The following ESF1 variants were observed in gnomAD, a reference collection of about 807,000 sequenced individuals.
The protein encoded by ESF1 is ESF1 homolog.
Under a neutral mutation model 92.0 loss-of-function variants are expected in ESF1, and 58 were observed. The observed-to-expected ratio is 0.63, with a 90% CI of 0.51 to 0.78. The LOEUF (loss-of-function observed/expected upper bound fraction) is 0.78, where lower values mean the gene tolerates loss of function less well. Among genes scored for constraint, ESF1 ranks in the 30% least tolerant of loss-of-function variants. ESF1 has a pLI of 0.00. For missense variants in ESF1, 922 were observed against 989.1 expected (o/e 0.93, Z 0.91); for synonymous variants, 321 against 313.7 (o/e 1.02, Z -0.24).
intron 4 of ESF1, among the ~76,000 whole-genome samples, chr20:13,774,210 G>A (rs1178292861): frequency 6.6e-6 from 1 of 151,994 alleles, no homozygotes; most frequent in African/African-American, 2.4e-5. Flanking sequence ...AATTACCCTA[G>A]AACAGTAGAC....
Position 13,769,769 on chromosome 20 carries a change from G to C in ESF1, c.1518+138C>G, listed in dbSNP as rs1273793977. 15 of 660,380 alleles carry C rather than the reference G, an allele frequency of 2.3e-5. No homozygotes were observed. The South Asian group carries it at 2.3e-4, about 10-fold the overall frequency. The allele number at this position is 660,380 out of a possible 1,614,324, so 40.9% of individuals were successfully genotyped here. A position where few individuals can be genotyped will look rare whatever the true frequency, so the allele number is the denominator to read the frequency against. On this transcript the variant is annotated intron_variant, in intron 7 of 13. Transcript: ENST00000617257. ...CCACTGCACTCCAGCCTGGGTGAGA[G>C]AGCGAGACTCTGTCTCAAGAAAAAA...
chr20:13,782,963 T>C lies in ESF1; in HGVS notation c.178A>G (p.Ile60Val), dbSNP rs763735520. The C allele has an allele frequency of 1.2e-6, 2 of 1,614,200 alleles. No individual in the cohort carries two copies. The highest frequency in any genetic ancestry group is 1.1e-5 in the South Asian group (1 of 91,082). ...AAATCCTCTGTAGTGCTATGGCTAATGGGGCGCCCTCTTTTATCCACGGCA... is the reference window on the plus strand; with the variant it reads ...AAATCCTCTGTAGTGCTATGGCTAACGGGGCGCCCTCTTTTATCCACGGCA... ...NYAVDKRGRP[I>V]SHSTTEDLKR... Residue 60 changes from isoleucine to valine, a missense_variant, in exon 2 of 14, where the codon ATT (isoleucine) becomes GTT (valine). Coordinates refer to ENST00000617257, the MANE Select transcript of ESF1 (RefSeq NM_001276380.2).
At chr20:13,741,963 T>C (rs1306415734) in intron 9 of ESF1, among the ~76,000 whole-genome samples, 1 of 152,124 alleles carries the variant, frequency 6.6e-6, no homozygotes, top group Non-Finnish European at 1.5e-5. Context: ...AAAACATCTA[T>C]TAGTATTTCA....
rs1212202998 is a variant in ESF1, at chr20:13,733,671, G to A, written c.1950+50C>T. Reference sequence around the variant, plus strand: ...GGATTCCAAGCACCTGGTACCATCTGATATATGGTTGGTATTCAACAAACA... The same window carrying A: ...GGATTCCAAGCACCTGGTACCATCTAATATATGGTTGGTATTCAACAAACA... On this transcript the variant is annotated intron_variant, in intron 10 of 13. Transcript: ENST00000617257. 3.2e-6 allele frequency: 5 copies of A among 1,549,882 alleles called. No homozygotes were observed. The African/African-American group carries it at 6.8e-5, about 21-fold the overall frequency.
intron 9 of ESF1, among the ~76,000 whole-genome samples, chr20:13,740,052 T>C (rs2050001367): frequency 6.6e-6 from 1 of 152,184 alleles, no homozygotes; most frequent in African/African-American, 2.4e-5. Flanking sequence ...CATAGATTTA[T>C]AACCACAAAC....
chr20:13,765,692 T>C (rs2147768097), intron 8 of ESF1, among the ~76,000 whole-genome samples: 1 of 152,320 alleles, frequency 6.6e-6, no homozygotes, highest in South Asian at 2.1e-4. Flanking sequence ...TCATGCAGAC[T>C]TTAATCATCT....
intron 4 of ESF1, among the ~76,000 whole-genome samples, 184 bp from the exon 5 acceptor site, chr20:13,772,799 C>T (rs1979751078): frequency 6.6e-6 from 1 of 152,090 alleles, no homozygotes. Context: ...AAATAGATCA[C>T]TTTGGCTAGA....
intron 8 of ESF1, among the ~76,000 whole-genome samples, chr20:13,761,465 A>C (rs1979199683): frequency 6.6e-6 from 1 of 151,858 alleles, no homozygotes; most frequent in African/African-American, 2.4e-5. Context: ...GTCCTCCACT[A>C]TCCAGCACAG....
chr20:13,746,679 G>A (rs1303561914), intron 9 of ESF1, among the ~76,000 whole-genome samples: 1 of 152,132 alleles, frequency 6.6e-6, no homozygotes, highest in Non-Finnish European at 1.5e-5. Flanking sequence ...GAATATAGAA[G>A]GATATACTGA....
rs1980485947 is a variant in ESF1 at position 13,784,264 on chromosome 20, A to C, written c.-44+616T>G. 2.0e-5 allele frequency among the ~76,000 whole-genome samples: 3 copies of C among 147,238 alleles called. No homozygotes were observed. The South Asian group carries it at 6.7e-4, about 33-fold the overall frequency. ...GGATGGGAATTTTGCAAAGAGCCAA[A>C]AGTCGTTGATTATTAAGCAACCCCC... On this transcript the variant is annotated intron_variant, in intron 1 of 13. Coordinates refer to ENST00000617257, the MANE Select transcript of ESF1 (RefSeq NM_001276380.2).
Position 13,717,408 on chromosome 20 carries a change from T to C in ESF1, c.2222A>G (p.Gln741Arg). 6.2e-7 allele frequency: 1 copy of C among 1,614,150 alleles called. No homozygotes were observed. Among genetic ancestry groups the C allele is most frequent in the Non-Finnish European group, 8.5e-7 (1 of 1,180,032 alleles). The change falls in exon 13 of 14, where the codon CAG (glutamine) becomes CGG (arginine). Residue 741 changes from glutamine (Q) to arginine (R), a missense_variant. Transcript: ENST00000617257. The part of the protein sequence containing the change: ...HQNLSKKKKK[Q>R]LMKKKELIED... ...TATTAATTCCTTCTTTTTCATGAGCTGCTTTTTCTTCTTTTTGCTCAGATT... is the reference window on the plus strand; with the variant it reads ...TATTAATTCCTTCTTTTTCATGAGCCGCTTTTTCTTCTTTTTGCTCAGATT...
At chr20:13,724,714 T>A (rs886495713) in intron 11 of ESF1, among the ~76,000 whole-genome samples, 1 of 152,342 alleles carries the variant, frequency 6.6e-6, no homozygotes, top group Admixed American at 6.5e-5. Flanking sequence ...CAGATTAAAA[T>A]GTAAAGTATG....
intron 2 of ESF1, among the ~76,000 whole-genome samples, chr20:13,776,522 G>A (rs746948952): frequency 1.3e-5 from 2 of 152,072 alleles, no homozygotes; most frequent in South Asian, 2.1e-4. Flanking sequence ...CTCACATCAC[G>A]CAAGTAGATC....
chr20:13,728,544 T>C lies in ESF1; in HGVS notation c.1951-79A>G, dbSNP rs982047274. 2.6e-6 allele frequency: 3 copies of C among 1,154,712 alleles called. No homozygotes were observed. The African/African-American group carries it at 4.7e-5, about 18-fold the overall frequency. The allele number at this position is 1,154,712 out of a possible 1,614,324, so 71.5% of individuals were successfully genotyped here. A position where few individuals can be genotyped will look rare whatever the true frequency, so the allele number is the denominator to read the frequency against. ...AATGTATACCAAGAAAAACTATGCATTTCTTTTAAACCAAGTAGTTCAATC... is the reference window on the plus strand; with the variant it reads ...AATGTATACCAAGAAAAACTATGCACTTCTTTTAAACCAAGTAGTTCAATC... On this transcript the variant is annotated intron_variant, in intron 10 of 13. Transcript: ENST00000617257.
chr20:13,746,168 T>G (rs1292188255), intron 9 of ESF1, among the ~76,000 whole-genome samples: 2 of 152,166 alleles, frequency 1.3e-5, no homozygotes, highest in Non-Finnish European at 2.9e-5. Context: ...TTTCACCATA[T>G]TGGCCAGGCT....
chr20:13,717,466 G>A lies in ESF1; in HGVS notation c.2164C>T (p.His722Tyr). 6.2e-7 allele frequency: 1 copy of A among 1,613,958 alleles called. No individual in the cohort carries two copies. Among genetic ancestry groups the A allele is most frequent in the Non-Finnish European group, 8.5e-7 (1 of 1,180,002 alleles). The change falls in exon 13 of 14, where the codon CAC (histidine) becomes TAC (tyrosine). Residue 722 changes from histidine (H) to tyrosine (Y), a missense_variant. His to Tyr is a moderately conservative substitution (Grantham distance 83, BLOSUM62 2). Coordinates refer to ENST00000617257, the MANE Select transcript of ESF1 (RefSeq NM_001276380.2). The stretch of plus-strand genomic sequence containing the variant: ...TCCACAATCTTGTTGTAATTGAAGT[G>A]TTTCTTACTGTCCTCGTCCTCATCC... ...MMDEDEDSKKHFNYNKIVEHQ... is the reference protein window; with the variant it reads ...MMDEDEDSKKYFNYNKIVEHQ...
intron 9 of ESF1, among the ~76,000 whole-genome samples, chr20:13,739,044 T>C (rs1005398751): frequency 6.6e-6 from 1 of 152,160 alleles, no homozygotes; most frequent in Non-Finnish European, 1.5e-5. Flanking sequence ...AGAAACACAG[T>C]CATAAGGATA....
At chr20:13,780,142 G>A (rs1044750776) in intron 2 of ESF1, among the ~76,000 whole-genome samples, 2 of 152,236 alleles carry the variant, frequency 1.3e-5, no homozygotes, top group African/African-American at 2.4e-5. Flanking sequence ...TGCAAGCAAT[G>A]TGGTGGGGTA....
chr20:13,782,001 C>T (rs1209341088), intron 2 of ESF1, among the ~76,000 whole-genome samples: 2 of 152,138 alleles, frequency 1.3e-5, no homozygotes, highest in African/African-American at 2.4e-5. Flanking sequence ...CTCAGCCTCC[C>T]GAATAGCTGG....
Sources: allele counts gnomAD v4.1 joint callset (sites outside exome capture counted in the v4.1 genomes callset), GRCh38; gene constraint gnomAD v4.1.1; transcripts MANE v1.5; gene names NCBI Gene and HGNC (gene_info 2026-07-23, HGNC 2026-07-21).